GALNT13: variants seen among roughly 807,000 people sequenced by gnomAD.
GALNT13 encodes the protein UDP-GalNAc:polypeptide N-acetylgalactosaminyltransferase 13.
Under a neutral mutation model 64.2 loss-of-function variants are expected in GALNT13, and 28 were observed. The ratio of observed to expected loss-of-function variants is 0.44; its 90% confidence interval spans 0.32 to 0.60. The LOEUF (loss-of-function observed/expected upper bound fraction) is 0.60. Among genes scored for constraint, GALNT13 ranks in the 20% least tolerant of loss-of-function variants. The probability of loss-of-function intolerance (pLI) is 0.05; values close to 1 mark genes in which losing one functional copy is unlikely to be tolerated. For synonymous variants in GALNT13, 214 were observed against 224.6 expected, an observed-to-expected ratio of 0.95 and a Z score of 0.42; for missense variants, 577 against 669.8, an observed-to-expected ratio of 0.86 and a Z score of 1.53.
chr2:153,626,487 A>G, the GALNT13 span, among the ~76,000 whole-genome samples: 1 of 152,118 alleles, frequency 6.6e-6, no homozygotes, highest in Non-Finnish European at 1.5e-5. Context: ...CCTTGATTAT[A>G]TAAACTTTTC....
At chr2:153,272,236 G>T in the GALNT13 span, among the ~76,000 whole-genome samples, 1 of 152,046 alleles carries the variant, frequency 6.6e-6, no homozygotes, top group African/African-American at 2.4e-5. Flanking sequence ...TAAAAGCAAC[G>T]GCAACAGAAG....
the GALNT13 span, chr2:153,423,333 T>C: frequency 1.3e-5 from 2 of 151,800 alleles, no homozygotes; most frequent in Admixed American, 1.3e-4. Flanking sequence ...TAATATAAAC[T>C]CTTAACAAAT....
chr2:153,232,232 A>T, the GALNT13 span, among the ~76,000 whole-genome samples: 1 of 152,216 alleles, frequency 6.6e-6, no homozygotes, highest in Non-Finnish European at 1.5e-5. Flanking sequence ...CATAGCACTG[A>T]GAATGGGTTG....
chr2:153,151,201 T>A, the GALNT13 span, among the ~76,000 whole-genome samples: 1 of 151,696 alleles, frequency 6.6e-6, no homozygotes, highest in African/African-American at 2.4e-5. Context: ...GTAAGTTGGA[T>A]TTTTTGCAGC....
intron 4 of GALNT13, among the ~76,000 whole-genome samples, chr2:154,206,934 A>C (rs1687492411): frequency 6.6e-6 from 1 of 152,108 alleles, no homozygotes; most frequent in Non-Finnish European, 1.5e-5. Flanking sequence ...CATCTTTCTC[A>C]TCTCTGATAT....
At chr2:153,499,549 TC>T in the GALNT13 span, among the ~76,000 whole-genome samples, 2 of 152,132 alleles carry the variant, frequency 1.3e-5, no homozygotes, top group Non-Finnish European at 2.9e-5. Flanking sequence ...CCACCATCAG[TC>T]ATGTCGTCCA....
At chr2:153,801,528 A>T in the GALNT13 span, among the ~76,000 whole-genome samples, 1 of 152,142 alleles carries the variant, frequency 6.6e-6, no homozygotes, top group Non-Finnish European at 1.5e-5. Context: ...AGAAGTCAGA[A>T]CACACACACA....
intron 9 of GALNT13, among the ~76,000 whole-genome samples, chr2:154,388,177 G>A (rs1272800382): frequency 1.3e-5 from 2 of 152,152 alleles, no homozygotes; most frequent in Non-Finnish European, 2.9e-5. Flanking sequence ...AGTGATGTAA[G>A]CATTTATTTC....
the GALNT13 span, among the ~76,000 whole-genome samples, chr2:153,602,811 A>G: frequency 0.31 from 46,481 of 151,474 alleles, 7,586 homozygotes; most frequent in South Asian, 0.43. Flanking sequence ...GTGAAGATAG[A>G]CTCCAGGGGC....
At chr2:153,618,216 T>G in the GALNT13 span, among the ~76,000 whole-genome samples, 4 of 151,934 alleles carry the variant, frequency 2.6e-5, no homozygotes, top group Admixed American at 2.6e-4. Context: ...CTTTGGTATG[T>G]TGTGTTTCCA....
At chr2:153,752,278 AG>A in the GALNT13 span, among the ~76,000 whole-genome samples, 1 of 151,966 alleles carries the variant, frequency 6.6e-6, no homozygotes, top group Non-Finnish European at 1.5e-5. Flanking sequence ...CCACAGTTAC[AG>A]TTTTACAATT....
chr2:154,078,470 A>G (rs1290429749), intron 3 of GALNT13, among the ~76,000 whole-genome samples: 1 of 151,594 alleles, frequency 6.6e-6, no homozygotes. Context: ...AAGCTACTAC[A>G]AGGATCCAAT....
chr2:153,965,995 G>A lies in GALNT13; in HGVS notation c.142+21356G>A, dbSNP rs183186443. On this transcript the variant is annotated intron_variant, in intron 3 of 12. Transcript: ENST00000392825. ...GACAGTCTGAAGTTACAGTTTCAGG[G>A]TATTCTGTATTTTTTTGTGAACTTA... Among the ~76,000 whole-genome samples the A allele has an allele frequency of 2.8e-4, 43 of 151,938 alleles. 1 individual carries two copies. The highest frequency in any genetic ancestry group is 1.0e-3 in the African/African-American group (42 of 41,496).
At chr2:153,215,568 C>T in the GALNT13 span, among the ~76,000 whole-genome samples, 3 of 152,014 alleles carry the variant, frequency 2.0e-5, no homozygotes, top group African/African-American at 7.2e-5. Context: ...ACTGAGAGGG[C>T]CAAGTGGCCT....
At chr2:153,503,445 T>A in the GALNT13 span, among the ~76,000 whole-genome samples, 1 of 152,034 alleles carries the variant, frequency 6.6e-6, no homozygotes, top group Non-Finnish European at 1.5e-5. Context: ...TTTTTTTAAA[T>A]AATTAATTTA....
At chr2:153,135,858 A>T in the GALNT13 span, among the ~76,000 whole-genome samples, 2 of 152,072 alleles carry the variant, frequency 1.3e-5, no homozygotes, top group African/African-American at 2.4e-5. Context: ...GTAATAATAA[A>T]AAAGAATTAA....
chr2:154,071,006 A>G (rs1700713019), intron 3 of GALNT13, among the ~76,000 whole-genome samples: 2 of 152,086 alleles, frequency 1.3e-5, no homozygotes. Flanking sequence ...ATGGTTTAAA[A>G]TGGATACCAA....
chr2:153,905,051 T>A (rs1688466014), intron 2 of GALNT13, among the ~76,000 whole-genome samples: 1 of 151,238 alleles, frequency 6.6e-6, no homozygotes, highest in African/African-American at 2.4e-5. Context: ...CTATGGCTAC[T>A]TTTTAAATAT....
At chr2:153,510,432 C>A in the GALNT13 span, among the ~76,000 whole-genome samples, 12 of 152,158 alleles carry the variant, frequency 7.9e-5, no homozygotes, top group East Asian at 2.3e-3. Context: ...AGACAGAGAC[C>A]CTGCCCTTAA....
Sources: gnomAD v4.1 joint callset for allele counts (sites outside exome capture counted in the v4.1 genomes callset) on GRCh38, gnomAD v4.1.1 for gene constraint, MANE v1.5 for transcripts, NCBI Gene and HGNC (gene_info 2026-07-23, HGNC 2026-07-21) for gene names.